PTPRD: variants seen among roughly 807,000 people sequenced by gnomAD.
PTPRD encodes receptor-type tyrosine-protein phosphatase delta.
In PTPRD, 34 loss-of-function variants were observed where a neutral mutation model predicts 214.5. The observed-to-expected ratio is 0.16, with a 90% CI of 0.12 to 0.21. The LOEUF is 0.21. Among genes scored for constraint, PTPRD ranks in the 10% least tolerant of loss-of-function variants. The probability of loss-of-function intolerance (pLI) is 1.00; values close to 1 mark genes in which losing one functional copy is unlikely to be tolerated. For synonymous variants in PTPRD, 1,128 were observed against 845.7 expected (o/e 1.33, Z -5.79); for missense variants, 2,545 against 2,398.7 (o/e 1.06, Z -1.27).
In PTPRD at chr9:10,516,040, G is replaced by A. The variant is rs567629811; in HGVS notation, c.-600+96358C>T. 1.4e-3 allele frequency among the ~76,000 whole-genome samples: 211 copies of A among 152,038 alleles called. 1 individual carries two copies. Among genetic ancestry groups the A allele is most frequent in the African/African-American group, 4.9e-3 (205 of 41,546 alleles). ...GAATAGAGATGCAGTGTACATGGTA[G>A]TGCTAATATCTTTTTTAAGATATTT... is the stretch of plus-strand genomic sequence containing the variant. On this transcript the variant is annotated intron_variant, in intron 2 of 45. Coordinates refer to ENST00000381196, the MANE Select transcript of PTPRD (RefSeq NM_002839.4).
chr9:9,225,658 A>G (rs1466344374), intron 9 of PTPRD, among the ~76,000 whole-genome samples: 4 of 152,070 alleles, frequency 2.6e-5, no homozygotes, highest in Admixed American at 2.6e-4. Context: ...TTTCATGTAA[A>G]GGATAGCGCA....
At chr9:8,697,747 G>A (rs2154388900) in intron 12 of PTPRD, among the ~76,000 whole-genome samples, 1 of 152,134 alleles carries the variant, frequency 6.6e-6, no homozygotes, top group Admixed American at 6.5e-5. Flanking sequence ...AGACAGGTGT[G>A]TATGTGTGGG....
At chr9:10,484,848 C>T (rs533031738) in intron 2 of PTPRD, among the ~76,000 whole-genome samples, 13 of 151,930 alleles carry the variant, frequency 8.6e-5, no homozygotes, top group African/African-American at 2.4e-4. Context: ...CTTTGCTGTG[C>T]AGAAGCTCTA....
intron 7 of PTPRD, among the ~76,000 whole-genome samples, chr9:9,698,760 T>C (rs1564615388): frequency 6.6e-6 from 1 of 152,210 alleles, no homozygotes; most frequent in African/African-American, 2.4e-5. Flanking sequence ...ACTCTTGTAA[T>C]GGAGTATCCA....
chr9:9,499,840 TAA>T (rs1486525334), intron 8 of PTPRD, among the ~76,000 whole-genome samples: 1 of 152,024 alleles, frequency 6.6e-6, no homozygotes, highest in Admixed American at 6.6e-5. Flanking sequence ...AAATAAAAGA[TAA>T]GAGACTAATG....
intron 5 of PTPRD, among the ~76,000 whole-genome samples, chr9:9,836,195 A>T (rs1389636947): frequency 6.6e-6 from 1 of 152,174 alleles, no homozygotes; most frequent in Non-Finnish European, 1.5e-5. Context: ...TGGAAGAAAC[A>T]TATGGAAGGA....
intron 7 of PTPRD, among the ~76,000 whole-genome samples, chr9:9,601,114 T>TGG (rs1314153627): frequency 2.3e-5 from 1 of 43,500 alleles, no homozygotes; most frequent in East Asian, 3.7e-4. Flanking sequence ...TTAATATATG[T>TGG]GTGTGTGTGT....
At chr9:10,314,188 C>A (rs2096355842) in intron 3 of PTPRD, among the ~76,000 whole-genome samples, 1 of 151,778 alleles carries the variant, frequency 6.6e-6, no homozygotes, top group African/African-American at 2.4e-5. Flanking sequence ...TAGATACATA[C>A]AAAATGCATT....
At chr9:9,283,475 A>G (rs112293771) in intron 9 of PTPRD, among the ~76,000 whole-genome samples, 1 of 150,996 alleles carries the variant, frequency 6.6e-6, no homozygotes, top group Non-Finnish European at 1.5e-5. Flanking sequence ...AATGTCTATA[A>G]TTTTAGCTTT....
intron 5 of PTPRD, among the ~76,000 whole-genome samples, chr9:9,879,400 C>G (rs971302614): frequency 6.6e-6 from 1 of 152,072 alleles, no homozygotes; most frequent in African/African-American, 2.4e-5. Flanking sequence ...CTAAGGGCAA[C>G]CTCCCTCCCC....
At chr9:10,315,741 G>A (rs1024275252) in intron 3 of PTPRD, among the ~76,000 whole-genome samples, 4 of 151,858 alleles carry the variant, frequency 2.6e-5, no homozygotes, top group African/African-American at 7.3e-5. Flanking sequence ...ACAGCAATAG[G>A]CCCCATGGAA....
chr9:9,670,542 G>C (rs142429395), intron 7 of PTPRD, among the ~76,000 whole-genome samples: 8 of 152,324 alleles, frequency 5.3e-5, no homozygotes, highest in South Asian at 2.1e-4. Context: ...GAATATTAGA[G>C]GTCTTCATGG....
intron 3 of PTPRD, among the ~76,000 whole-genome samples, chr9:10,132,387 C>G (rs987120806): frequency 3.3e-5 from 5 of 152,150 alleles, no homozygotes; most frequent in African/African-American, 7.2e-5. Context: ...TTGAGATTCA[C>G]TCTCTTGAAA....
At chr9:10,357,075 A>G (rs1205934229) in intron 2 of PTPRD, among the ~76,000 whole-genome samples, 9 of 152,216 alleles carry the variant, frequency 5.9e-5, no homozygotes, top group Admixed American at 6.5e-5. Flanking sequence ...ACTAAATTAT[A>G]TTAGTGTTTA....
At chr9:9,920,966 A>T (rs2082383278) in intron 5 of PTPRD, among the ~76,000 whole-genome samples, 1 of 152,148 alleles carries the variant, frequency 6.6e-6, no homozygotes, top group Admixed American at 6.6e-5. Context: ...AGAGCGAATT[A>T]CAAGTTGCAG....
chr9:9,074,848 A>C (rs1342925355), intron 10 of PTPRD, among the ~76,000 whole-genome samples: 2 of 151,862 alleles, frequency 1.3e-5, no homozygotes, highest in Non-Finnish European at 2.9e-5. Context: ...TTTTAGAACA[A>C]ATTTAGGTTT....
intron 11 of PTPRD, among the ~76,000 whole-genome samples, chr9:8,847,172 A>AT (rs766968728): frequency 2.7e-4 from 39 of 146,284 alleles, no homozygotes; most frequent in Non-Finnish European, 3.5e-4. Context: ...TTTTCCTAAA[A>AT]TATTTTTTTT....
At chr9:8,975,397 A>T (rs2099262738) in intron 11 of PTPRD, among the ~76,000 whole-genome samples, 1 of 152,116 alleles carries the variant, frequency 6.6e-6, no homozygotes. Context: ...GAAGCTGGTA[A>T]TATATTATTC....
intron 7 of PTPRD, among the ~76,000 whole-genome samples, chr9:9,730,624 ATATG>A (rs763780850): frequency 6.6e-5 from 10 of 152,082 alleles, no homozygotes; most frequent in Non-Finnish European, 1.3e-4. Context: ...CTACTCAAAT[ATATG>A]TAGAATTGGG....
Sources: allele counts gnomAD v4.1 joint callset (sites outside exome capture counted in the v4.1 genomes callset), GRCh38; gene constraint gnomAD v4.1.1; transcripts MANE v1.5; gene names NCBI Gene and HGNC (gene_info 2026-07-23, HGNC 2026-07-21).